Variants in BPI observed in about 807,000 individuals in gnomAD.
BPI encodes bactericidal permeability-increasing protein.
BPI carries 48 observed loss-of-function variants against 57.6 expected under a neutral mutation model. That is an observed-to-expected ratio of 0.83 (90% CI 0.66 to 1.06). The LOEUF is 1.06. Among genes scored for constraint, BPI ranks in the 50% least tolerant of loss-of-function variants. The pLI is 0.00. For missense variants in BPI, 651 were observed against 609.7 expected, an observed-to-expected ratio of 1.07 and a Z score of -0.71; for synonymous variants, 237 against 238.2, an observed-to-expected ratio of 0.99 and a Z score of 0.05.
At chr20:38,336,468 C>T (rs141766013) in intron 14 of BPI, among the ~76,000 whole-genome samples, 1 of 152,108 alleles carries the variant, frequency 6.6e-6, no homozygotes, top group Non-Finnish European at 1.5e-5. Context: ...CCAGCATGTC[C>T]CCACAAAGCT....
chr20:38,307,089 C>A (rs1234888168), intron 1 of BPI, among the ~76,000 whole-genome samples: 1 of 151,902 alleles, frequency 6.6e-6, no homozygotes, highest in Non-Finnish European at 1.5e-5. Flanking sequence ...ATCCCAGCTG[C>A]TAGGGAGGCT....
At chr20:38,313,171 G>A (rs2076629602) in intron 5 of BPI, among the ~76,000 whole-genome samples, 1 of 152,130 alleles carries the variant, frequency 6.6e-6, no homozygotes, top group South Asian at 2.1e-4. Context: ...GATCAACTGA[G>A]GTTAGGAGTT....
At chr20:38,316,383 G>A (rs891935746) in intron 5 of BPI, among the ~76,000 whole-genome samples, 1 of 152,206 alleles carries the variant, frequency 6.6e-6, no homozygotes, top group Non-Finnish European at 1.5e-5. Flanking sequence ...CAGCCTTGGG[G>A]ACCAGTAGGA....
Position 38,327,592 on chromosome 20 carries a change from C to T in BPI, c.1166C>T (p.Thr389Ile). Residue 389 changes from threonine to isoleucine, a missense_variant, in exon 11 of 15, where the codon ACA (threonine) becomes ATA (isoleucine). By Grantham distance (89) the Thr-to-Ile change is moderately conservative. Transcript: ENST00000642449. ...CCTGGGTTGTTGTTTTGGCAGCACA[C>T]AACTGGTTCCATGGAGGTCAGCGCC... ...LASLFLIGMH[T>I]TGSMEVSAES... 6.2e-7 allele frequency: 1 copy of T among 1,613,178 alleles called. No homozygotes were observed. Among genetic ancestry groups the T allele is most frequent in the Non-Finnish European group, 8.5e-7 (1 of 1,179,624 alleles).
chr20:38,308,044 A>G (rs1381857293), intron 2 of BPI, among the ~76,000 whole-genome samples: 3 of 152,198 alleles, frequency 2.0e-5, no homozygotes, highest in Non-Finnish European at 4.4e-5. Context: ...GCAGGCTTAC[A>G]TGTCACTGGG....
intron 5 of BPI, among the ~76,000 whole-genome samples, chr20:38,312,972 C>G (rs951557799): frequency 3.9e-5 from 6 of 152,180 alleles, no homozygotes; most frequent in African/African-American, 1.2e-4. Flanking sequence ...CATTCCCCAG[C>G]CAAAGTCTCA....
intron 3 of BPI, among the ~76,000 whole-genome samples, chr20:38,309,888 T>C (rs920782196): frequency 6.6e-6 from 1 of 152,126 alleles, no homozygotes; most frequent in African/African-American, 2.4e-5. Context: ...GAAAGGGGCG[T>C]GAGTCTGCCC....
intron 1 of BPI, 58 bp from the exon 2 acceptor site, chr20:38,307,509 C>T (rs2076602469): frequency 7.6e-7 from 1 of 1,323,176 alleles, no homozygotes; most frequent in South Asian, 1.4e-5. Flanking sequence ...CTGCCCTGCC[C>T]CTCTGTCCCC....
chr20:38,326,585 C>T, intron 10 of BPI, 153 bp downstream of exon 10: 1 of 912,360 alleles, frequency 1.1e-6, no homozygotes, highest in Non-Finnish European at 1.5e-6. Flanking sequence ...CTCAATGGTG[C>T]CGACTCCTGG....
chr20:38,330,980 T>G (rs907892467), intron 11 of BPI, 68 bp from the exon 12 acceptor site: 3 of 1,571,156 alleles, frequency 1.9e-6, no homozygotes, highest in Middle Eastern at 1.7e-4. Context: ...GTCTCTCCTC[T>G]CTAGAGACTG....
chr20:38,320,383 C>A, intron 7 of BPI, 109 bp downstream of exon 7: 2 of 955,496 alleles, frequency 2.1e-6, no homozygotes, highest in Non-Finnish European at 3.2e-6. Context: ...TCCTATCTGA[C>A]TCACCACCAC....
rs1600699961 is a variant in BPI at position 38,311,922 on chromosome 20, C to T, written c.585C>T (p.Asn195=). The T allele has an allele frequency of 2.5e-6, 4 of 1,613,930 alleles. No homozygotes were observed. In the East Asian group the frequency reaches 8.9e-5, roughly 36 times the overall value. ...FHKKIESALR[N]KMNSQVCEKV... ...AAAAAATTGAGTCTGCGCTTCGAAA[C>T]AAGATGAACAGCCAGGTAGGAGGGG... Residue 195 remains asparagine, a synonymous_variant, in exon 5 of 15, where the codon AAC becomes AAT. Transcript: ENST00000642449.
intron 5 of BPI, chr20:38,317,690 G>C (rs892268474): frequency 1.8e-5 from 15 of 848,432 alleles, no homozygotes; most frequent in Admixed American, 1.0e-4. Context: ...ATCTCTTGGT[G>C]GGGGTGTGGC....
At chr20:38,320,995 T>G in intron 7 of BPI, among the ~76,000 whole-genome samples, 1 of 3,682 alleles carries the variant, frequency 2.7e-4, no homozygotes. Flanking sequence ...GGTAGACAGG[T>G]GGATGGGTAA....
intron 9 of BPI, among the ~76,000 whole-genome samples, chr20:38,325,791 A>T (rs1206277378): frequency 6.6e-6 from 1 of 152,022 alleles, no homozygotes; most frequent in Non-Finnish European, 1.5e-5. Context: ...TTGCATAACA[A>T]TCACATTATT....
At chr20:38,310,418 C>T in intron 3 of BPI, 73 bp from the exon 4 acceptor site, 6 of 1,553,872 alleles carry the variant, frequency 3.9e-6, no homozygotes, top group Non-Finnish European at 5.3e-6. Context: ...ACCCGCCTTC[C>T]AGCACTGGGG....
chr20:38,320,028 A>C (rs1290291141), intron 6 of BPI, 155 bp from the exon 7 acceptor site: 3 of 635,710 alleles, frequency 4.7e-6, no homozygotes, highest in Non-Finnish European at 8.3e-6. Flanking sequence ...TTTTCCCTTA[A>C]GGCGAGCTCC....
intron 14 of BPI, among the ~76,000 whole-genome samples, chr20:38,336,172 A>G (rs547388008): frequency 2.6e-5 from 4 of 151,984 alleles, no homozygotes; most frequent in African/African-American, 9.7e-5. Flanking sequence ...TTCTTCTCTT[A>G]GTTTCCAGCA....
Position 38,316,210 on chromosome 20 carries a change from C to T in BPI, c.601-2203C>T, listed in dbSNP as rs189194400. Among the ~76,000 whole-genome samples, 152 of 148,994 alleles carry T rather than the reference C, an allele frequency of 1.0e-3. 1 individual carries two copies. Among genetic ancestry groups the T allele is most frequent in the African/African-American group, 3.8e-3 (145 of 38,456 alleles). On this transcript the variant is annotated intron_variant, in intron 5 of 14. Transcript: ENST00000642449. ...TTTCTTCCTTCCTTCTTTCTCTTCCCCTCTTCCCTCCTTCCCCTTTTCTTC... is the reference window on the plus strand; with the variant it reads ...TTTCTTCCTTCCTTCTTTCTCTTCCTCTCTTCCCTCCTTCCCCTTTTCTTC...
Sources: gnomAD v4.1 joint callset for allele counts (sites outside exome capture counted in the v4.1 genomes callset) on GRCh38, gnomAD v4.1.1 for gene constraint, MANE v1.5 for transcripts, NCBI Gene and HGNC (gene_info 2026-07-23, HGNC 2026-07-21) for gene names.